The following DNM3 variants were observed in gnomAD, a reference collection of about 807,000 sequenced individuals.
DNM3 encodes the protein dynamin-3.
Under a neutral mutation model 101.6 loss-of-function variants are expected in DNM3, and 47 were observed. The ratio of observed to expected loss-of-function variants is 0.46; its 90% CI spans 0.37 to 0.59. The LOEUF (loss-of-function observed/expected upper bound fraction) is 0.59. DNM3 is among the 20% of genes least tolerant of loss of function. DNM3 has a pLI of 0.00. For missense variants in DNM3, 849 were observed against 1,085.7 expected (o/e 0.78, Z 3.06); for synonymous variants, 385 against 387.9 (o/e 0.99, Z 0.09).
intron 17 of DNM3, among the ~76,000 whole-genome samples, chr1:172,326,296 G>A (rs573322121): frequency 2.6e-5 from 4 of 151,912 alleles, no homozygotes; most frequent in Non-Finnish European, 5.9e-5. Flanking sequence ...AAATGTTTTC[G>A]TGTTGGCATA....
chr1:172,163,496 C>A (rs1294625487), intron 14 of DNM3, among the ~76,000 whole-genome samples: 1 of 151,940 alleles, frequency 6.6e-6, no homozygotes, highest in South Asian at 2.1e-4. Flanking sequence ...CCTTGGCCTC[C>A]CAAAGTGCTA....
chr1:172,081,685 A>G, intron 11 of DNM3, 147 bp from the exon 12 acceptor site: 1 of 633,998 alleles, frequency 1.6e-6, no homozygotes, highest in Admixed American at 3.2e-5. Flanking sequence ...TGAGTCTAAT[A>G]AAGAAAAGTT....
At chr1:172,021,705 TCA>T (rs1239504864) in intron 4 of DNM3, among the ~76,000 whole-genome samples, 1 of 152,206 alleles carries the variant, frequency 6.6e-6, no homozygotes, top group Non-Finnish European at 1.5e-5. Context: ...TATGTCACAC[TCA>T]CACTTTTGGG....
At chr1:172,207,339 T>C (rs1299545209) in intron 14 of DNM3, among the ~76,000 whole-genome samples, 2 of 152,112 alleles carry the variant, frequency 1.3e-5, no homozygotes, top group South Asian at 2.1e-4. Flanking sequence ...AGTCCAAACC[T>C]TGATACAGGT....
intron 13 of DNM3, among the ~76,000 whole-genome samples, chr1:172,123,358 T>A (rs939117801): frequency 6.6e-6 from 1 of 152,208 alleles, no homozygotes; most frequent in Non-Finnish European, 1.5e-5. Context: ...AAAATCTATT[T>A]TCTACCATAT....
At chr1:171,909,099 G>A (rs1288497596) in intron 1 of DNM3, among the ~76,000 whole-genome samples, 1 of 152,114 alleles carries the variant, frequency 6.6e-6, no homozygotes, top group African/African-American at 2.4e-5. Context: ...GATACTAACA[G>A]TCCCAGTTAT....
chr1:172,251,663 T>A lies in DNM3; in HGVS notation c.1660-1910T>A, dbSNP rs73030906. Reference sequence around the variant, plus strand: ...TCACGATATGCTAAAGAATGCAGTATAAAAGAGAGCCTACTTCTATAGAAA... The same window carrying A: ...TCACGATATGCTAAAGAATGCAGTAAAAAAGAGAGCCTACTTCTATAGAAA... On this transcript the variant is annotated intron_variant, in intron 14 of 20. Transcript: ENST00000627582. Among the ~76,000 whole-genome samples the A allele has an allele frequency of 3.2e-3, 484 of 152,234 alleles. 2 individuals carry two copies. Among genetic ancestry groups the A allele is most frequent in the Middle Eastern group, 0.02 (6 of 294 alleles).
At chr1:172,135,140 T>C (rs1213615209) in intron 14 of DNM3, among the ~76,000 whole-genome samples, 4 of 152,092 alleles carry the variant, frequency 2.6e-5, no homozygotes, top group Admixed American at 6.6e-5. Flanking sequence ...TTGATAAAAA[T>C]GAACGGATTT....
At chr1:171,933,733 A>T (rs1461441975) in intron 2 of DNM3, among the ~76,000 whole-genome samples, 1 of 152,132 alleles carries the variant, frequency 6.6e-6, no homozygotes, top group Admixed American at 6.5e-5. Flanking sequence ...AACATGATAG[A>T]AGGATTAGCA....
At chr1:172,079,580 G>A (rs12561987) in intron 11 of DNM3, among the ~76,000 whole-genome samples, 4,543 of 152,082 alleles carry the variant, frequency 0.03, 161 homozygotes, top group East Asian at 0.14. Flanking sequence ...CCTTTAGCTT[G>A]GAGGAGTTTG....
At chr1:172,131,063 T>C in intron 13 of DNM3, 112 bp from the exon 14 acceptor site, 1 of 894,444 alleles carries the variant, frequency 1.1e-6, no homozygotes, top group Non-Finnish European at 1.8e-6. Context: ...GGAGGGAAAA[T>C]ACTATTTTTA....
intron 1 of DNM3, among the ~76,000 whole-genome samples, chr1:171,885,751 T>A (rs1213256308): frequency 1.3e-5 from 2 of 152,176 alleles, no homozygotes; most frequent in Non-Finnish European, 2.9e-5. Context: ...CTCAAGCTGC[T>A]TTCAGGACCT....
At chr1:171,888,441 C>T (rs2125160371) in intron 1 of DNM3, among the ~76,000 whole-genome samples, 1 of 152,208 alleles carries the variant, frequency 6.6e-6, no homozygotes, top group Admixed American at 6.5e-5. Flanking sequence ...TAATAGCATC[C>T]TAATGTCAAC....
chr1:172,385,228 C>A (rs907402535), intron 18 of DNM3, among the ~76,000 whole-genome samples: 5 of 152,218 alleles, frequency 3.3e-5, no homozygotes, highest in African/African-American at 1.2e-4. Flanking sequence ...TCTACAATAG[C>A]CTTCTAACAG....
At chr1:172,250,048 A>G (rs185627770) in intron 14 of DNM3, among the ~76,000 whole-genome samples, 1 of 152,298 alleles carries the variant, frequency 6.6e-6, no homozygotes, top group Admixed American at 6.5e-5. Context: ...TAAATTCCAA[A>G]TGAGCAACGT....
At chr1:171,981,582 T>C (rs1649373859) in intron 2 of DNM3, among the ~76,000 whole-genome samples, 1 of 152,242 alleles carries the variant, frequency 6.6e-6, no homozygotes, top group African/African-American at 2.4e-5. Flanking sequence ...TAATTTGTTT[T>C]TCATGACCAG....
In DNM3 at chr1:171,987,749, G is replaced by C. The variant is rs748364887; in HGVS notation, c.329G>C (p.Gly110Ala). 2 of 1,603,300 alleles carry C rather than the reference G, an allele frequency of 1.2e-6. No individual in the cohort carries two copies. The highest frequency in any genetic ancestry group is 8.5e-7 in the Non-Finnish European group (1 of 1,176,186). The change falls in exon 3 of 21, where the codon GGA becomes GCA. Residue 110 changes from glycine to alanine, a missense_variant. By Grantham distance (60) the Gly-to-Ala change is moderately conservative. Transcript: ENST00000627582. ...GAAGCAGAAACAGATCGCGTGACTG[G>C]AATGAATAAAGGCATTTCCTCCATA... is the stretch of plus-strand genomic sequence containing the variant. ...EIEAETDRVTGMNKGISSIPI... is the reference protein window; with the variant it reads ...EIEAETDRVTAMNKGISSIPI...
chr1:172,153,654 G>T (rs1412592640), intron 14 of DNM3, among the ~76,000 whole-genome samples: 1 of 151,978 alleles, frequency 6.6e-6, no homozygotes, highest in East Asian at 1.9e-4. Context: ...TTTAGAACAT[G>T]AAGTTGGAAT....
chr1:172,399,101 G>A (rs2070257704), intron 20 of DNM3, among the ~76,000 whole-genome samples: 1 of 152,056 alleles, frequency 6.6e-6, no homozygotes, highest in Non-Finnish European at 1.5e-5. Context: ...TTGTGTTCCA[G>A]TTTATGTGTG....
Sources: allele counts gnomAD v4.1 joint callset (sites outside exome capture counted in the v4.1 genomes callset), GRCh38; gene constraint gnomAD v4.1.1; transcripts MANE v1.5; gene names NCBI Gene and HGNC (gene_info 2026-07-23, HGNC 2026-07-21).